MED30: variants seen among roughly 807,000 people sequenced by gnomAD.
MED30 encodes the protein mediator of RNA polymerase II transcription subunit 30.
A neutral mutation model predicts 21.7 loss-of-function variants in MED30; 8 were observed. The observed-to-expected ratio is 0.37, with a 90% confidence interval of 0.22 to 0.67. MED30 has a LOEUF of 0.67. Among genes scored for constraint, MED30 ranks in the 30% least tolerant of loss-of-function variants. The pLI is 0.58. For synonymous variants in MED30, 79 were observed against 86.7 expected (o/e 0.91, Z 0.49); for missense variants, 203 against 228.2 (o/e 0.89, Z 0.71).
chr8:117,523,317 G>A, intron 1 of MED30: 3 of 1,397,136 alleles, frequency 2.1e-6, no homozygotes, highest in Non-Finnish European at 3.0e-6. Flanking sequence ...ACTGGAATTC[G>A]GTTGTTGACC....
Position 117,540,066 on chromosome 8 carries a change from T to G in MED30, c.*88T>G, listed in dbSNP as rs1818953726. ...TTCCCTGTGAAGAAGATTATTTATC[T>G]GCTTTTATTTTAGTCACTAAAACTA... On this transcript the variant is annotated 3_prime_UTR_variant, in exon 4 of 4. Coordinates refer to ENST00000297347, the MANE Select transcript of MED30 (RefSeq NM_080651.4). The G allele has an allele frequency of 3.0e-6, 2 of 675,284 alleles. No individual in the cohort carries two copies. Among genetic ancestry groups the G allele is most frequent in the Non-Finnish European group, 4.7e-6 (2 of 429,048 alleles). 41.8% of individuals were successfully genotyped at this position (675,284 alleles called of 1,614,324 possible). A position where few individuals can be genotyped will look rare whatever the true frequency, so the allele number is the denominator to read the frequency against.
chr8:117,525,284 T>C (rs568904353), intron 1 of MED30, among the ~76,000 whole-genome samples: 2 of 152,028 alleles, frequency 1.3e-5, no homozygotes, highest in African/African-American at 4.8e-5. Context: ...AATATTTTAA[T>C]TATTTATATT....
intron 3 of MED30, among the ~76,000 whole-genome samples, chr8:117,536,090 C>T (rs750519612): frequency 7.2e-5 from 11 of 151,988 alleles, no homozygotes; most frequent in Admixed American, 2.0e-4. Flanking sequence ...TGTGTGCCTG[C>T]TCTCTGACAG....
chr8:117,520,862 A>G lies in MED30; in HGVS notation c.-15A>G, dbSNP rs113416257. ...TGCTGTCTGGCCCCTTCCGGCCTGA[A>G]GCTGCAGCCGCGCCATGTCCACCCC... On this transcript the variant is annotated 5_prime_UTR_variant, in exon 1 of 4. Coordinates refer to ENST00000297347, the MANE Select transcript of MED30 (RefSeq NM_080651.4). The G allele has an allele frequency of 2.7e-5, 42 of 1,573,998 alleles. No homozygotes were observed. Among genetic ancestry groups the G allele is most frequent in the Middle Eastern group, 4.4e-4 (2 of 4,546 alleles).
At chr8:117,523,508 G>T (rs1371953139) in intron 1 of MED30, 2 of 1,593,284 alleles carry the variant, frequency 1.3e-6, no homozygotes, top group East Asian at 4.5e-5. Flanking sequence ...TCCGGGGGCA[G>T]ATGAAGGTAA....
At chr8:117,530,663 C>T in intron 2 of MED30, 60 bp from the exon 3 acceptor site, 1 of 1,198,582 alleles carries the variant, frequency 8.3e-7, no homozygotes, top group Non-Finnish European at 1.2e-6. Flanking sequence ...ATTCTCTATA[C>T]AAGTGATTAG....
At chr8:117,538,333 T>C (rs1388827345) in intron 3 of MED30, among the ~76,000 whole-genome samples, 2 of 152,212 alleles carry the variant, frequency 1.3e-5, no homozygotes, top group Admixed American at 1.3e-4. Flanking sequence ...TCTTTTCAAA[T>C]GTGAATTAAA....
intron 1 of MED30, 130 bp from the exon 2 acceptor site, chr8:117,528,521 A>C: frequency 1.6e-6 from 1 of 611,416 alleles, no homozygotes; most frequent in South Asian, 3.1e-5. Context: ...ATTAAACTTG[A>C]TCAGTTGTGA....
intron 3 of MED30, among the ~76,000 whole-genome samples, chr8:117,538,754 A>G (rs1818927696): frequency 6.6e-6 from 1 of 152,222 alleles, no homozygotes; most frequent in Non-Finnish European, 1.5e-5. Context: ...GTTAAAAAGA[A>G]GTCTACAAAT....
At chr8:117,523,793 G>T in intron 1 of MED30, 2 of 730,732 alleles carry the variant, frequency 2.7e-6, no homozygotes, top group Admixed American at 2.8e-5. Flanking sequence ...CGGATCACGA[G>T]GTCAGGAATT....
At chr8:117,526,618 A>G (rs1052266020) in intron 1 of MED30, among the ~76,000 whole-genome samples, 1 of 152,028 alleles carries the variant, frequency 6.6e-6, no homozygotes, top group East Asian at 1.9e-4. Context: ...CTGAACAGCT[A>G]CACCGTGGTA....
intron 1 of MED30, among the ~76,000 whole-genome samples, chr8:117,521,832 G>C (rs565034310): frequency 6.6e-6 from 1 of 152,220 alleles, no homozygotes; most frequent in South Asian, 2.1e-4. Context: ...GGACATTTGG[G>C]TTGTTTCCAC....
intron 1 of MED30, among the ~76,000 whole-genome samples, chr8:117,527,743 G>A (rs978059401): frequency 1.5e-4 from 22 of 149,620 alleles, no homozygotes; most frequent in Admixed American, 1.4e-3. Context: ...TTATACATGT[G>A]AATTCCTACA....
chr8:117,534,167 G>A (rs1818832662), intron 3 of MED30, among the ~76,000 whole-genome samples: 1 of 151,914 alleles, frequency 6.6e-6, no homozygotes, highest in African/African-American at 2.4e-5. Flanking sequence ...CTCCATGGTG[G>A]ATCAGGCGTA....
intron 3 of MED30, among the ~76,000 whole-genome samples, chr8:117,539,408 G>A (rs1365684880): frequency 6.6e-6 from 1 of 151,794 alleles, no homozygotes; most frequent in Non-Finnish European, 1.5e-5. Context: ...GAGAATCGCT[G>A]AAACCCAGGA....
At chr8:117,529,192 TTTA>T (rs1277385320) in intron 2 of MED30, among the ~76,000 whole-genome samples, 8 of 151,678 alleles carry the variant, frequency 5.3e-5, no homozygotes, top group African/African-American at 1.9e-4. Flanking sequence ...AAATATTATT[TTTA>T]TTATTATTAA....
At position 117,539,131 on chromosome 8, in the gene MED30, T is replaced by A. The variant is rs145559340; in HGVS notation, c.442-752T>A. Among the ~76,000 whole-genome samples, 1,106 of 152,336 alleles carry A rather than the reference T, an allele frequency of 7.3e-3. 5 individuals are homozygous for A. Among genetic ancestry groups the A allele is most frequent in the Middle Eastern group, 0.024 (7 of 294 alleles). On this transcript the variant is annotated intron_variant, in intron 3 of 3. Coordinates refer to ENST00000297347, the MANE Select transcript of MED30 (RefSeq NM_080651.4). ...TTATGAGGTAGTTTCAATTATTATT[T>A]CCATTTTTCTGATGTGGAAACTAAA...
chr8:117,530,801 A>G lies in MED30; in HGVS notation c.415A>G (p.Arg139Gly). Reference sequence around the variant, plus strand: ...CCCACCTCGTTTTGCTAGTGAAGAGAGGCGAGAAATTGCTGAAGTAAATAA... The same window carrying G: ...CCCACCTCGTTTTGCTAGTGAAGAGGGGCGAGAAATTGCTGAAGTAAATAA... ...AGPPRFASEE[R>G]REIAEVNKKL... is the part of the protein sequence containing the mutation. Residue 139 changes from arginine to glycine, a missense_variant, in exon 3 of 4, where the codon AGG becomes GGG. By Grantham distance (125) the Arg-to-Gly change is moderately radical. Transcript: ENST00000297347. The G allele has an allele frequency of 6.2e-7, 1 of 1,610,692 alleles. No individual in the cohort carries two copies. Among genetic ancestry groups the G allele is most frequent in the Non-Finnish European group, 8.5e-7 (1 of 1,177,940 alleles).
intron 3 of MED30, among the ~76,000 whole-genome samples, chr8:117,539,631 G>A (rs182824448): frequency 1.3e-5 from 2 of 152,334 alleles, no homozygotes; most frequent in Admixed American, 1.3e-4. Flanking sequence ...GTTTATGGTG[G>A]AAGTGGAAGA....
Sources: gnomAD v4.1 joint callset for allele counts (sites outside exome capture counted in the v4.1 genomes callset) on GRCh38, gnomAD v4.1.1 for gene constraint, MANE v1.5 for transcripts, NCBI Gene and HGNC (gene_info 2026-07-23, HGNC 2026-07-21) for gene names.